Variants in PAPPA2 observed in about 807,000 individuals in gnomAD.
PAPPA2 encodes pappalysin-2.
In PAPPA2, 86 loss-of-function variants were observed where a neutral mutation model predicts 176.4. That is an observed-to-expected ratio of 0.49 (90% CI 0.41 to 0.58). The LOEUF is 0.58. Among genes scored for constraint, PAPPA2 ranks in the 20% least tolerant of loss-of-function variants. The pLI is 0.00. For synonymous variants in PAPPA2, 809 were observed against 852.2 expected (o/e 0.95, Z 0.88); for missense variants, 2,073 against 2,256.9 (o/e 0.92, Z 1.65).
rs531150460 is a variant in PAPPA2, at chr1:176,760,502, GC to G, written c.4152-5162del. Among the ~76,000 whole-genome samples the G allele has an allele frequency of 1.3e-4, 20 of 152,262 alleles. No individual in the cohort carries two copies. In the East Asian group the frequency reaches 3.9e-3, roughly 29 times the overall value. On this transcript the variant is annotated intron_variant, in intron 14 of 22. Transcript: ENST00000367662. ...ATCAAATGCTGGAATCCCACTGCAG[GC>G]CTATGGAATCAAAATTTTCAGGGGA...
chr1:176,679,100 C>G (rs1206585250), intron 4 of PAPPA2, among the ~76,000 whole-genome samples: 1 of 151,954 alleles, frequency 6.6e-6, no homozygotes, highest in East Asian at 1.9e-4. Flanking sequence ...GTTGGAAACT[C>G]CTGCACTCTC....
At chr1:176,532,145 C>T (rs1360264904) in intron 1 of PAPPA2, among the ~76,000 whole-genome samples, 3 of 152,164 alleles carry the variant, frequency 2.0e-5, no homozygotes, top group Non-Finnish European at 1.5e-5. Flanking sequence ...TTTAATAGCC[C>T]TGCTCCCTCT....
At position 176,478,941 on chromosome 1, in the gene PAPPA2, A is replaced by G. The variant is rs546629256; in HGVS notation, c.-917+15523A>G. On this transcript the variant is annotated intron_variant, in intron 1 of 22. Coordinates refer to ENST00000367662, the MANE Select transcript of PAPPA2 (RefSeq NM_020318.3). ...CTTTGGTGGGGCTGGATCAAGTTGGATGGAGATAAGATCTAAGTTATACAG... is the reference window on the plus strand; with the variant it reads ...CTTTGGTGGGGCTGGATCAAGTTGGGTGGAGATAAGATCTAAGTTATACAG... Among the ~76,000 whole-genome samples the G allele has an allele frequency of 8.5e-5, 13 of 152,278 alleles. No individual in the cohort carries two copies. The South Asian group carries it at 1.9e-3, about 22-fold the overall frequency.
intron 1 of PAPPA2, among the ~76,000 whole-genome samples, chr1:176,517,736 C>T (rs1201129597): frequency 2.6e-5 from 4 of 152,090 alleles, no homozygotes; most frequent in Admixed American, 6.6e-5. Flanking sequence ...CACTCACCAC[C>T]GGAAACAAGG....
intron 12 of PAPPA2, among the ~76,000 whole-genome samples, chr1:176,731,272 C>A (rs1037767252): frequency 1.1e-4 from 16 of 149,832 alleles, no homozygotes; most frequent in Middle Eastern, 6.8e-3. Flanking sequence ...ACTGACAAAA[C>A]CACACACACA....
At chr1:176,741,647 G>T (rs183957508) in intron 14 of PAPPA2, among the ~76,000 whole-genome samples, 1 of 152,152 alleles carries the variant, frequency 6.6e-6, no homozygotes, top group African/African-American at 2.4e-5. Flanking sequence ...GCCAGTAATA[G>T]TAGTTTATGT....
chr1:176,723,107 GAGAGCATGTGAGAC>G (rs1379724007), intron 12 of PAPPA2, among the ~76,000 whole-genome samples: 1 of 152,200 alleles, frequency 6.6e-6, no homozygotes, highest in East Asian at 1.9e-4. Context: ...TAGGGCAAAA[GAGAGCATGTGAGAC>G]AGAGCTCACT....
intron 4 of PAPPA2, among the ~76,000 whole-genome samples, chr1:176,678,086 A>G (rs1659396114): frequency 6.6e-6 from 1 of 152,146 alleles, no homozygotes; most frequent in Non-Finnish European, 1.5e-5. Context: ...TGGCAGACAC[A>G]GGAGAGCATT....
intron 21 of PAPPA2, among the ~76,000 whole-genome samples, chr1:176,839,273 G>T (rs188341105): frequency 6.6e-6 from 1 of 152,310 alleles, no homozygotes; most frequent in Admixed American, 6.5e-5. Flanking sequence ...CCCTCCAGAG[G>T]TAGTTTTCTG....
intron 3 of PAPPA2, among the ~76,000 whole-genome samples, chr1:176,649,964 C>T (rs1378319610): frequency 6.6e-6 from 1 of 151,514 alleles, no homozygotes; most frequent in East Asian, 1.9e-4. Context: ...GATTTTCTGT[C>T]TGGATAATCT....
intron 14 of PAPPA2, among the ~76,000 whole-genome samples, chr1:176,760,279 C>G (rs547245173): frequency 9.2e-5 from 14 of 152,266 alleles, no homozygotes; most frequent in Non-Finnish European, 1.6e-4. Context: ...TGCTTTTGAT[C>G]TACCTTGTGG....
At chr1:176,837,727 CT>C (rs1667329485) in intron 21 of PAPPA2, among the ~76,000 whole-genome samples, 1 of 151,308 alleles carries the variant, frequency 6.6e-6, no homozygotes, top group Non-Finnish European at 1.5e-5. Context: ...GAAAAGATGC[CT>C]GTGGGTTAGA....
intron 1 of PAPPA2, among the ~76,000 whole-genome samples, chr1:176,482,169 C>G (rs1652435923): frequency 6.6e-6 from 1 of 152,216 alleles, no homozygotes; most frequent in Admixed American, 6.5e-5. Flanking sequence ...TAAAAGAGGA[C>G]AGCCATTCAA....
chr1:176,653,535 T>C (rs902417964), intron 3 of PAPPA2, among the ~76,000 whole-genome samples: 1 of 151,700 alleles, frequency 6.6e-6, no homozygotes, highest in Non-Finnish European at 1.5e-5. Context: ...ATATGGTCTT[T>C]TCTGTTATTC....
intron 3 of PAPPA2, among the ~76,000 whole-genome samples, chr1:176,636,319 T>G (rs1656698227): frequency 1.3e-5 from 2 of 152,150 alleles, no homozygotes; most frequent in African/African-American, 4.8e-5. Flanking sequence ...TGACTTAAAC[T>G]CAGCTATTAA....
intron 1 of PAPPA2, among the ~76,000 whole-genome samples, chr1:176,540,234 C>T (rs1274574603): frequency 1.3e-5 from 2 of 152,212 alleles, no homozygotes; most frequent in African/African-American, 4.8e-5. Context: ...AACTGCAAGA[C>T]ATTGCAATAA....
chr1:176,651,704 C>T (rs542739961), intron 3 of PAPPA2, among the ~76,000 whole-genome samples: 2 of 151,582 alleles, frequency 1.3e-5, no homozygotes, highest in Non-Finnish European at 3.0e-5. Flanking sequence ...AGTTTTCTGT[C>T]ATTATTTTTT....
chr1:176,833,852 GTA>G (rs71747080), intron 21 of PAPPA2, among the ~76,000 whole-genome samples: 4,697 of 148,226 alleles, frequency 0.032, 245 homozygotes, highest in African/African-American at 0.11. Context: ...GTCTGTGTGT[GTA>G]TATATATATA....
intron 3 of PAPPA2, among the ~76,000 whole-genome samples, chr1:176,663,886 T>C (rs1269483923): frequency 2.0e-5 from 3 of 152,182 alleles, no homozygotes; most frequent in African/African-American, 7.2e-5. Flanking sequence ...TCTAAGTATC[T>C]GTATGTGACG....
Sources: gnomAD v4.1 joint callset for allele counts (sites outside exome capture counted in the v4.1 genomes callset) on GRCh38, gnomAD v4.1.1 for gene constraint, MANE v1.5 for transcripts, NCBI Gene and HGNC (gene_info 2026-07-23, HGNC 2026-07-21) for gene names.